Variants in CCDC27 observed in about 807,000 individuals in gnomAD.
CCDC27 encodes the protein coiled-coil domain-containing protein 27.
Under a neutral mutation model 80.3 loss-of-function variants are expected in CCDC27, and 80 were observed. The observed-to-expected ratio is 1.00, with a 90% CI of 0.83 to 1.20. CCDC27 has a LOEUF of 1.20. Among genes scored for constraint, CCDC27 ranks in the 50% most tolerant of loss-of-function variants. The pLI is 0.00. For synonymous variants in CCDC27, 342 were observed against 334.3 expected (o/e 1.02, Z -0.25); for missense variants, 815 against 809.4 (o/e 1.01, Z -0.08).
rs1218276088 is a variant in CCDC27, at chr1:3,763,494, C to T, written c.1321+20C>T. ...CAACAGGTAGGGCCTCGGCGGGGGGCACTGGGCTTTGGCCACTCAGTGGTT... is the reference window on the plus strand; with the variant it reads ...CAACAGGTAGGGCCTCGGCGGGGGGTACTGGGCTTTGGCCACTCAGTGGTT... On this transcript the variant is annotated intron_variant, in intron 7 of 11. Transcript: ENST00000294600. This position sits in a 1 kb window ranked among gnomAD's most constrained non-coding sequence, Gnocchi z 7.5. 1 of 1,571,386 alleles carries T rather than the reference C, an allele frequency of 6.4e-7. No homozygotes were observed. The highest frequency in any genetic ancestry group is 8.6e-7 in the Non-Finnish European group (1 of 1,158,690).
intron 2 of CCDC27, among the ~76,000 whole-genome samples, chr1:3,754,612 C>T (rs1642908725): frequency 6.6e-6 from 1 of 152,140 alleles, no homozygotes; most frequent in Non-Finnish European, 1.5e-5. Flanking sequence ...GACAGTGCCC[C>T]TGGGGAGCCC....
chr1:3,752,685 G>C lies in CCDC27; in HGVS notation c.204G>C (p.Val68=), dbSNP rs1268234217. 17 of 1,613,934 alleles carry C rather than the reference G, an allele frequency of 1.1e-5. No individual in the cohort carries two copies. Among genetic ancestry groups the C allele is most frequent in the African/African-American group, 1.3e-5 (1 of 74,938 alleles). ...CCAGCTCGATGGCCAGGGCCCTGGT[G>C]CTCCTCCAGAGCATGGCCAGCCGGG... ...SMSSSMARAL[V]LLQSMASRDA... The change falls in exon 1 of 12, where the codon GTG becomes GTC. Residue 68 remains valine, a synonymous_variant. Coordinates refer to ENST00000294600, the MANE Select transcript of CCDC27 (RefSeq NM_152492.3).
chr1:3,758,478 G>A (rs762215674), intron 4 of CCDC27, among the ~76,000 whole-genome samples: 7 of 148,932 alleles, frequency 4.7e-5, no homozygotes, highest in East Asian at 2.0e-4. Context: ...GAGCCACTGC[G>A]CTCAGCCTTT....
chr1:3,764,464 C>T (rs989899260), intron 8 of CCDC27, among the ~76,000 whole-genome samples: 1 of 151,382 alleles, frequency 6.6e-6, no homozygotes, highest in Non-Finnish European at 1.5e-5. Flanking sequence ...TTATTTAATG[C>T]TTCCTTTTTT....
At chr1:3,770,636 G>C (rs1468609716) in intron 11 of CCDC27, among the ~76,000 whole-genome samples, 1 of 152,168 alleles carries the variant, frequency 6.6e-6, no homozygotes, top group Non-Finnish European at 1.5e-5. Flanking sequence ...TCACCCTCTG[G>C]GGCTGCCCTT....
chr1:3,768,233 G>A lies in CCDC27; in HGVS notation c.1743+788G>A, dbSNP rs994213643. ...CCACCTCAGCCTCCTGAGTAGCTGG[G>A]ACCACAGGCATGTGCCACCATACCT... On this transcript the variant is annotated intron_variant, in intron 10 of 11. Transcript: ENST00000294600. The surrounding 1 kb of genome is among the most constrained non-coding windows in gnomAD (Gnocchi z 5.6). Among the ~76,000 whole-genome samples, 6 of 151,872 alleles carry A rather than the reference G, an allele frequency of 4.0e-5. No homozygotes were observed. Among genetic ancestry groups the A allele is most frequent in the African/African-American group, 1.5e-4 (6 of 41,334 alleles).
chr1:3,762,317 C>T (rs1209780082), intron 5 of CCDC27, among the ~76,000 whole-genome samples: 6 of 152,188 alleles, frequency 3.9e-5, no homozygotes, highest in Non-Finnish European at 1.5e-5. Flanking sequence ...GTGGGCCACC[C>T]AGGCAATGAC....
chr1:3,758,535 A>C (rs1643015814), intron 4 of CCDC27, among the ~76,000 whole-genome samples: 1 of 151,936 alleles, frequency 6.6e-6, no homozygotes, highest in African/African-American at 2.4e-5. Flanking sequence ...CTGGAGTGCA[A>C]TGGCACGATC....
At position 3,760,942 on chromosome 1, in the gene CCDC27, G is replaced by T. The variant is rs943329060; in HGVS notation, c.712-339G>T. On this transcript the variant is annotated intron_variant, in intron 4 of 11. Transcript: ENST00000294600. The surrounding 1 kb of genome is among the most constrained non-coding windows in gnomAD (Gnocchi z 4.3). ...TGTCGGGGCTGCAAAGAAGACTGGT[G>T]TCCTGTGGTATAGTGGGGTGCAGGG... Among the ~76,000 whole-genome samples, 1 of 152,168 alleles carries T rather than the reference G, an allele frequency of 6.6e-6. No individual in the cohort carries two copies. The highest frequency in any genetic ancestry group is 1.5e-5 in the Non-Finnish European group (1 of 68,034).
intron 3 of CCDC27, 196 bp downstream of exon 3, chr1:3,755,763 TC>T (rs970602911): frequency 5.1e-6 from 3 of 589,374 alleles, no homozygotes; most frequent in African/African-American, 1.9e-5. Flanking sequence ...TAGGCTGCAG[TC>T]CCCCCAGGAC....
intron 2 of CCDC27, among the ~76,000 whole-genome samples, chr1:3,755,096 G>A (rs1165004049): frequency 6.6e-6 from 1 of 152,236 alleles, no homozygotes; most frequent in South Asian, 2.1e-4. Context: ...GGGGCAATTT[G>A]TGATGGTTTA....
intron 6 of CCDC27, 163 bp downstream of exon 6, chr1:3,762,875 C>G (rs1006096220): frequency 2.5e-6 from 2 of 799,314 alleles, no homozygotes; most frequent in African/African-American, 1.7e-5. Context: ...CGTTAGCCCC[C>G]TTGAAGGCAC....
chr1:3,756,677 G>A, intron 3 of CCDC27, 56 bp from the exon 4 acceptor site: 2 of 1,597,210 alleles, frequency 1.3e-6, no homozygotes, highest in East Asian at 2.2e-5. Context: ...GAAGACGCCA[G>A]AGGAGCTCGG....
At position 3,769,052 on chromosome 1, in the gene CCDC27, C is replaced by G. The variant is rs1368291586; in HGVS notation, c.1744-731C>G. 1.3e-5 allele frequency among the ~76,000 whole-genome samples: 2 copies of G among 152,148 alleles called. No individual in the cohort carries two copies. Among genetic ancestry groups the G allele is most frequent in the Non-Finnish European group, 2.9e-5 (2 of 68,018 alleles). On this transcript the variant is annotated intron_variant, in intron 10 of 11. Coordinates refer to ENST00000294600, the MANE Select transcript of CCDC27 (RefSeq NM_152492.3). The surrounding 1 kb of genome is among the most constrained non-coding windows in gnomAD (Gnocchi z 4.6). The stretch of plus-strand genomic sequence containing the variant: ...TCTCGGGCCCAGCTCCTGTGGGGCA[C>G]CTCTGCGTCGTCAGGGTTTCTGGAC...
chr1:3,755,863 T>C (rs1339490520), intron 3 of CCDC27: 1 of 374,506 alleles, frequency 2.7e-6, no homozygotes, highest in Non-Finnish European at 5.1e-6. Context: ...TCCCTCACTG[T>C]GGGTAGAGAC....
chr1:3,766,481 G>A lies in CCDC27; in HGVS notation c.1453-54G>A. ...GAAAAAAGTTAGATGCCGGAATTCA[G>A]TCTGTTATCTAAACCTGGGAGTCCC... On this transcript the variant is annotated intron_variant, in intron 8 of 11. Coordinates refer to ENST00000294600, the MANE Select transcript of CCDC27 (RefSeq NM_152492.3). This position sits in a 1 kb window ranked among gnomAD's most constrained non-coding sequence, Gnocchi z 6.1. The A allele has an allele frequency of 7.8e-7, 1 of 1,284,158 alleles. No homozygotes were observed. Among genetic ancestry groups the A allele is most frequent in the Non-Finnish European group, 1.1e-6 (1 of 898,488 alleles). The allele number at this position is 1,284,158 out of a possible 1,614,324, so 79.5% of individuals were successfully genotyped here.
rs1226508274 is a variant in CCDC27 at position 3,763,266 on chromosome 1, G to A, written c.1113G>A (p.Glu371=). Residue 371 remains glutamate (E), a synonymous_variant, in exon 7 of 12, where the codon GAG becomes GAA. Coordinates refer to ENST00000294600, the MANE Select transcript of CCDC27 (RefSeq NM_152492.3). The surrounding 1 kb of genome is among the most constrained non-coding windows in gnomAD (Gnocchi z 7.5). ...GATCCGTGCATGAGGAGGGAAGCGAGGAGGAGGAAGAGGAGGAAGGGGACA... is the reference window on the plus strand; with the variant it reads ...GATCCGTGCATGAGGAGGGAAGCGAAGAGGAGGAAGAGGAGGAAGGGGACA... ...QMGSVHEEGS[E]EEEEEEGDRD... is the part of the protein sequence containing the mutation. 6.3e-7 allele frequency: 1 copy of A among 1,583,700 alleles called. No individual in the cohort carries two copies. Among genetic ancestry groups the A allele is most frequent in the South Asian group, 1.1e-5 (1 of 87,540 alleles).
chr1:3,756,878 C>A lies in CCDC27; in HGVS notation c.699C>A (p.Val233=). ...LRKRMPWYLS[V]IHEKDHCLSE... is the part of the protein sequence containing the mutation. ...AGAGGATGCCCTGGTACCTCTCAGT[C>A]ATCCACGAGAAGGTACTGGCGGAGG... The change falls in exon 4 of 12, where the codon GTC becomes GTA. Residue 233 remains valine, a synonymous_variant. Transcript: ENST00000294600. 1.2e-6 allele frequency: 2 copies of A among 1,612,702 alleles called. No individual in the cohort carries two copies. Among genetic ancestry groups the A allele is most frequent in the South Asian group, 2.2e-5 (2 of 90,886 alleles).
intron 4 of CCDC27, among the ~76,000 whole-genome samples, chr1:3,759,683 G>T (rs1045926610): frequency 1.3e-5 from 2 of 152,216 alleles, no homozygotes; most frequent in Non-Finnish European, 2.9e-5. Context: ...GGAGACACAA[G>T]GGGGCTTGCC....
Sources: gnomAD v4.1 joint callset for allele counts (sites outside exome capture counted in the v4.1 genomes callset) on GRCh38, gnomAD v4.1.1 for gene constraint, Gnocchi (gnomAD v3.1) non-coding constraint, MANE v1.5 for transcripts, NCBI Gene and HGNC (gene_info 2026-07-23, HGNC 2026-07-21) for gene names.